MUC5AC: variants seen among roughly 807,000 people sequenced by gnomAD.
MUC5AC encodes the protein mucin 5AC, oligomeric mucus/gel-forming.
Under a neutral mutation model 169.7 loss-of-function variants are expected in MUC5AC, and 158 were observed. The ratio of observed to expected loss-of-function variants is 0.93; its 90% CI spans 0.82 to 1.06. The LOEUF (loss-of-function observed/expected upper bound fraction) is 1.06. Ranked by LOEUF, MUC5AC falls within the 50% of genes least tolerant of loss-of-function variation. The pLI is 0.00. For missense variants in MUC5AC, 4,359 were observed against 3,089.9 expected (o/e 1.41, Z -9.74); for synonymous variants, 1,975 against 1,237.0 (o/e 1.60, Z -12.52).
In MUC5AC at chr11:1,187,162, C is replaced by T. The variant is rs1860972253; in HGVS notation, c.9017C>T (p.Ser3006Leu). ...TCTGCCCCTACAACCAGCACAATCT[C>T]GGCCCCAACAACCAGCACACCCTCT... ...TTSAPTTSTI[S>L]APTTSTPSAP... The change falls in exon 31 of 49, where the codon TCG (serine) becomes TTG (leucine). Residue 3006 changes from serine (S) to leucine (L), a missense_variant. Ser to Leu is a moderately radical substitution (Grantham distance 145, BLOSUM62 -2). Coordinates refer to ENST00000621226, the MANE Select transcript of MUC5AC (RefSeq NM_001304359.2). 2.4e-5 allele frequency: 17 copies of T among 707,422 alleles called. No homozygotes were observed. Among genetic ancestry groups the T allele is most frequent in the South Asian group, 8.8e-5 (6 of 68,260 alleles). 43.8% of individuals were successfully genotyped at this position (707,422 alleles called of 1,614,324 possible).
In MUC5AC at chr11:1,187,236, G is replaced by T. The variant is rs1189629139; in HGVS notation, c.9091G>T (p.Ala3031Ser). Residue 3031 changes from alanine (A) to serine (S), a missense_variant, in exon 31 of 49, where the codon GCC (alanine) becomes TCC (serine). Coordinates refer to ENST00000621226, the MANE Select transcript of MUC5AC (RefSeq NM_001304359.2). The part of the protein sequence containing the change: ...TLAPTTSTTS[A>S]PTTSTTSTPT... ...AGCTCCTACAACCAGCACAACCTCTGCCCCTACAACCAGCACAACCTCTAC... is the reference window on the plus strand; with the variant it reads ...AGCTCCTACAACCAGCACAACCTCTTCCCCTACAACCAGCACAACCTCTAC... 1 of 698,654 alleles carries T rather than the reference G, an allele frequency of 1.4e-6. No individual in the cohort carries two copies. The allele number at this position is 698,654 out of a possible 1,614,324, so 43.3% of individuals were successfully genotyped here. A position where few individuals can be genotyped will look rare whatever the true frequency, so the allele number is the denominator to read the frequency against.
In MUC5AC at chr11:1,178,562, C is replaced by G; in HGVS notation, c.3206C>G (p.Pro1069Arg). 2.9e-6 allele frequency: 4 copies of G among 1,388,034 alleles called. No homozygotes were observed. The highest frequency in any genetic ancestry group is 3.8e-6 in the Non-Finnish European group (4 of 1,055,484). 86.0% of individuals were successfully genotyped at this position (1,388,034 alleles called of 1,614,324 possible). A position where few individuals can be genotyped will look rare whatever the true frequency, so the allele number is the denominator to read the frequency against. ...TTTGGGAACAGCTGGAAGCTCTCCC[C>G]CTCCTGCCCAGATGCCCTGGCGCCC... is the stretch of plus-strand genomic sequence containing the variant. ...LEFGNSWKLSPSCPDALAPKD... is the reference protein window; with the variant it reads ...LEFGNSWKLSRSCPDALAPKD... The change falls in exon 25 of 49, where the codon CCC (proline) becomes CGC (arginine). Residue 1069 changes from proline to arginine, a missense_variant. Coordinates refer to ENST00000621226, the MANE Select transcript of MUC5AC (RefSeq NM_001304359.2).
At chr11:1,170,360 T>C (rs1414920245) in intron 15 of MUC5AC, among the ~76,000 whole-genome samples, 1 of 107,888 alleles carries the variant, frequency 9.3e-6, no homozygotes, top group African/African-American at 3.7e-5. Context: ...GCCCACTCAC[T>C]CACCTCACTC....
rs1236550285 is a variant in MUC5AC at position 1,181,394 on chromosome 11, T to C, written c.3944T>C (p.Val1315Ala). 2.1e-4 allele frequency: 82 copies of C among 397,956 alleles called. No individual in the cohort carries two copies. The highest frequency in any genetic ancestry group is 3.5e-4 in the Non-Finnish European group (78 of 225,970). The allele number at this position is 397,956 out of a possible 1,614,324, so 24.7% of individuals were successfully genotyped here. A position where few individuals can be genotyped will look rare whatever the true frequency, so the allele number is the denominator to read the frequency against. The change falls in exon 30 of 49, where the codon GTC (valine) becomes GCC (alanine). Residue 1315 changes from valine (V) to alanine (A), a missense_variant. Val to Ala is a moderately conservative substitution (Grantham distance 64). Coordinates refer to ENST00000621226, the MANE Select transcript of MUC5AC (RefSeq NM_001304359.2). ...CGANGTIERR[V>A]YPCSPTTPVP... ...GCCAACGGCACCATTGAGAGGAGGG[T>C]CTACCCCTGCAGCCCCACCACCCCT...
rs1158628388 is a variant in MUC5AC at position 1,190,138 on chromosome 11, C to T, written c.11993C>T (p.Thr3998Ile). 12 of 764,096 alleles carry T rather than the reference C, an allele frequency of 1.6e-5. No individual in the cohort carries two copies. In the Admixed American group the frequency reaches 1.7e-4, roughly 11 times the overall value. 47.3% of individuals were successfully genotyped at this position (764,096 alleles called of 1,614,324 possible). A position where few individuals can be genotyped will look rare whatever the true frequency, so the allele number is the denominator to read the frequency against. The change falls in exon 31 of 49, where the codon ACC becomes ATC. Residue 3998 changes from threonine to isoleucine, a missense_variant. Coordinates refer to ENST00000621226, the MANE Select transcript of MUC5AC (RefSeq NM_001304359.2). ...ATCTGCCGCCGACCTGAGGAGATCACCAGGCTCCAGTGCCGAGCCGAGAGC... is the reference window on the plus strand; with the variant it reads ...ATCTGCCGCCGACCTGAGGAGATCATCAGGCTCCAGTGCCGAGCCGAGAGC... Reference protein sequence around the residue: ...EKICRRPEEITRLQCRAESHP... With the variant: ...EKICRRPEEIIRLQCRAESHP...
In MUC5AC at chr11:1,186,738, A is replaced by C. The variant is rs1860956973; in HGVS notation, c.8593A>C (p.Thr2865Pro). 1.4e-6 allele frequency: 1 copy of C among 730,322 alleles called. No individual in the cohort carries two copies. Among genetic ancestry groups the C allele is most frequent in the Non-Finnish European group, 2.5e-6 (1 of 400,676 alleles). 45.2% of individuals were successfully genotyped at this position (730,322 alleles called of 1,614,324 possible). A position where few individuals can be genotyped will look rare whatever the true frequency, so the allele number is the denominator to read the frequency against. Residue 2865 changes from threonine to proline, a missense_variant, in exon 31 of 49, where the codon ACA (threonine) becomes CCA (proline). Physicochemically the swap from Thr to Pro is conservative, Grantham distance 38. Coordinates refer to ENST00000621226, the MANE Select transcript of MUC5AC (RefSeq NM_001304359.2). The stretch of plus-strand genomic sequence containing the variant: ...TACAACCAGAACAACCTCTGTCCCT[A>C]CAAGCAGCACAACCTCCACTGCTAC... ...APTTRTTSVP[T>P]SSTTSTATTS...
intron 26 of MUC5AC, 61 bp downstream of exon 26, chr11:1,179,309 A>G (rs1860756894): frequency 1.5e-5 from 7 of 476,366 alleles, no homozygotes; most frequent in Admixed American, 7.2e-5. Flanking sequence ...GCCCCACCAC[A>G]CTCGCCGCTG....
In MUC5AC at chr11:1,162,474, C is replaced by T. The variant is rs913579983; in HGVS notation, c.474-58C>T. The T allele has an allele frequency of 5.4e-6, 8 of 1,482,506 alleles. No individual in the cohort carries two copies. In the African/African-American group the frequency reaches 1.1e-4, roughly 21 times the overall value. The allele number at this position is 1,482,506 out of a possible 1,614,324, so 91.8% of individuals were successfully genotyped here. On this transcript the variant is annotated intron_variant, in intron 4 of 48. Coordinates refer to ENST00000621226, the MANE Select transcript of MUC5AC (RefSeq NM_001304359.2). ...ACATTTGCGACCGCAGGCATCTGCC[C>T]TGCCTGGGGTCTCTCCTCACTGCGC...
In MUC5AC at chr11:1,168,527, C is replaced by G. The variant is rs1486017492; in HGVS notation, c.1542C>G (p.Ile514Met). Residue 514 changes from isoleucine to methionine, a missense_variant, in exon 13 of 49, where the codon ATC becomes ATG. By Grantham distance (10) the Ile-to-Met change is conservative (BLOSUM62 1). Coordinates refer to ENST00000621226, the MANE Select transcript of MUC5AC (RefSeq NM_001304359.2). ...KASGEVFLNQ[I>M]YTQLPISAAN... The stretch of plus-strand genomic sequence containing the variant: ...GTGGGGAAGTGTTCCTGAACCAGAT[C>G]TACACCCAGCTGCCCATCTCTGCAG... 2 of 1,612,600 alleles carry G rather than the reference C, an allele frequency of 1.2e-6. No homozygotes were observed. Among genetic ancestry groups the G allele is most frequent in the Non-Finnish European group, 1.7e-6 (2 of 1,179,820 alleles).
At chr11:1,177,745 A>C in intron 24 of MUC5AC, 112 bp downstream of exon 24, 25 of 350,650 alleles carry the variant, frequency 7.1e-5, no homozygotes, top group East Asian at 1.3e-4. Flanking sequence ...AAACACAGAG[A>C]TGGAAGCGGG....
chr11:1,195,069 C>T lies in MUC5AC; in HGVS notation c.15248C>T (p.Ala5083Val), dbSNP rs1371821346. 1.3e-6 allele frequency: 1 copy of T among 756,742 alleles called. No homozygotes were observed. The highest frequency in any genetic ancestry group is 1.4e-5 in the South Asian group (1 of 73,156). The allele number at this position is 756,742 out of a possible 1,614,324, so 46.9% of individuals were successfully genotyped here. ...ECRTPRGTVV[A>V]SCSEMSGLWN... ...CGCACGCCTAGGGGGACGGTGGTCGCTTCCTGCTCCGAGATGTCCGGCCTC... is the reference window on the plus strand; with the variant it reads ...CGCACGCCTAGGGGGACGGTGGTCGTTTCCTGCTCCGAGATGTCCGGCCTC... The change falls in exon 36 of 49, where the codon GCT becomes GTT. Residue 5083 changes from alanine to valine, a missense_variant. Coordinates refer to ENST00000621226, the MANE Select transcript of MUC5AC (RefSeq NM_001304359.2).
chr11:1,158,306 G>A (rs771027294), intron 1 of MUC5AC, among the ~76,000 whole-genome samples: 6 of 152,224 alleles, frequency 3.9e-5, no homozygotes, highest in Non-Finnish European at 7.4e-5. Context: ...CCCTGAGGCA[G>A]GGAAGTAGGA....
intron 19 of MUC5AC, among the ~76,000 whole-genome samples, chr11:1,175,585 ACTCATGCACACGCATTCACACCCT>A (rs1860653354): frequency 7.0e-6 from 1 of 141,846 alleles, no homozygotes; most frequent in Non-Finnish European, 1.5e-5. Context: ...TCACACACCC[ACTCATGCACACGCATTCACACCCT>A]CATGCACACG....
intron 14 of MUC5AC, 34 bp from the exon 15 acceptor site, chr11:1,168,828 C>T (rs770487792): frequency 3.6e-5 from 57 of 1,577,546 alleles, no homozygotes; most frequent in African/African-American, 1.1e-4. Context: ...CTGGCCAGGG[C>T]GCATGGTCCT....
At position 1,188,946 on chromosome 11, in the gene MUC5AC, C is replaced by G. The variant is rs1244363475; in HGVS notation, c.10801C>G (p.Gln3601Glu). 1.4e-6 allele frequency: 1 copy of G among 726,066 alleles called. No individual in the cohort carries two copies. The highest frequency in any genetic ancestry group is 2.5e-6 in the Non-Finnish European group (1 of 400,062). The allele number at this position is 726,066 out of a possible 1,614,324, so 45.0% of individuals were successfully genotyped here. ...GGGCCTGGTGTGCCGGAACCAGGAC[C>G]AGCAGGGACCCTTCAAGATGTGCCT... The part of the protein sequence containing the change: ...EEGLVCRNQD[Q>E]QGPFKMCLNY... Residue 3601 changes from glutamine (Q) to glutamate (E), a missense_variant, in exon 31 of 49, where the codon CAG becomes GAG. Coordinates refer to ENST00000621226, the MANE Select transcript of MUC5AC (RefSeq NM_001304359.2).
chr11:1,185,816 C>A lies in MUC5AC; in HGVS notation c.7671C>A (p.Thr2557=). The A allele has an allele frequency of 2.7e-6, 2 of 746,740 alleles. No homozygotes were observed. Among genetic ancestry groups the A allele is most frequent in the Non-Finnish European group, 2.4e-6 (1 of 408,690 alleles). 46.3% of individuals were successfully genotyped at this position (746,740 alleles called of 1,614,324 possible). Residue 2557 remains threonine (T), a synonymous_variant, in exon 31 of 49, where the codon ACC becomes ACA. Coordinates refer to ENST00000621226, the MANE Select transcript of MUC5AC (RefSeq NM_001304359.2). Reference sequence around the variant, plus strand: ...CCTCTGCCCCTATAAGCAGCACAACCTCTGCCACTACAACCAGCACAACCT... The same window carrying A: ...CCTCTGCCCCTATAAGCAGCACAACATCTGCCACTACAACCAGCACAACCT... The part of the protein sequence containing the change: ...STTSAPISST[T]SATTTSTTSG...
At chr11:1,171,447 A>C (rs1860528958) in intron 15 of MUC5AC, among the ~76,000 whole-genome samples, 1 of 122,528 alleles carries the variant, frequency 8.2e-6, no homozygotes, top group African/African-American at 3.3e-5. Context: ...TCACCCACTC[A>C]CCCATTCACC....
At position 1,178,473 on chromosome 11, in the gene MUC5AC, C is replaced by T. The variant is rs905006622; in HGVS notation, c.3117C>T (p.Phe1039=). The T allele has an allele frequency of 8.0e-5, 73 of 908,540 alleles. No individual in the cohort carries two copies. In the Middle Eastern group the frequency reaches 1.7e-3, roughly 21 times the overall value. The allele number at this position is 908,540 out of a possible 1,614,324, so 56.3% of individuals were successfully genotyped here. ...KGRVCGLCGN[F]DDIAVNDFAT... ...GGGTCTGCGGCCTGTGTGGGAACTT[C>T]GACGACATCGCCGTTAATGACTTTG... Residue 1039 remains phenylalanine (F), a synonymous_variant, in exon 25 of 49, where the codon TTC becomes TTT. Coordinates refer to ENST00000621226, the MANE Select transcript of MUC5AC (RefSeq NM_001304359.2).
chr11:1,200,517 C>T lies in MUC5AC; in HGVS notation c.16780C>T (p.Leu5594=). 1.3e-6 allele frequency: 1 copy of T among 759,040 alleles called. No individual in the cohort carries two copies. The highest frequency in any genetic ancestry group is 2.4e-6 in the Non-Finnish European group (1 of 415,268). 47.0% of individuals were successfully genotyped at this position (759,040 alleles called of 1,614,324 possible). Residue 5594 remains leucine (L), a synonymous_variant, in exon 49 of 49, where the codon CTG becomes TTG. Transcript: ENST00000621226. Reference sequence around the variant, plus strand: ...GCGGACCTCGCTGAGGAATGTGACCCTGCACTGCACCGACGGCTCCAGCCG... The same window carrying T: ...GCGGACCTCGCTGAGGAATGTGACCTTGCACTGCACCGACGGCTCCAGCCG... ...ELRTSLRNVT[L]HCTDGSSRAF... is the part of the protein sequence containing the mutation.
Sources: gnomAD v4.1 joint callset for allele counts (sites outside exome capture counted in the v4.1 genomes callset) on GRCh38, gnomAD v4.1.1 for gene constraint, MANE v1.5 for transcripts, NCBI Gene and HGNC (gene_info 2026-07-23, HGNC 2026-07-21) for gene names.